DNHD1: variants seen among roughly 807,000 people sequenced by gnomAD.
DNHD1 encodes the protein dynein heavy chain domain-containing protein 1.
In DNHD1, 383 loss-of-function variants were observed where a neutral mutation model predicts 458.1. The ratio of observed to expected loss-of-function variants is 0.84; its 90% CI spans 0.77 to 0.91. The LOEUF (loss-of-function observed/expected upper bound fraction) is 0.91. Ranked by LOEUF, DNHD1 falls within the 40% of genes least tolerant of loss-of-function variation. DNHD1 has a pLI of 0.00. For synonymous variants in DNHD1, 2,203 were observed against 2,376.9 expected, an observed-to-expected ratio of 0.93 and a Z score of 2.13; for missense variants, 5,336 against 5,866.1, an observed-to-expected ratio of 0.91 and a Z score of 2.95.
At chr11:6,512,260 A>T (rs2555147) in intron 7 of DNHD1, among the ~76,000 whole-genome samples, 2 of 119,546 alleles carry the variant, frequency 1.7e-5, no homozygotes, top group South Asian at 2.7e-4. Context: ...TCGCTCTGTC[A>T]CCCAGGCTGG....
At position 6,566,003 on chromosome 11, in the gene DNHD1, T is replaced by TTGGCCCCCCCCCC; in HGVS notation, c.11053+12_11053+13insTGGCCCCCCCCCC. On this transcript the variant is annotated intron_variant, in intron 33 of 42. Coordinates refer to ENST00000254579, the MANE Select transcript of DNHD1 (RefSeq NM_144666.3). ...GGCAGCTGCTTGTGGTGAGAGCTGG[T>TTGGCCCCCCCCCC]CCCCACCCACCCTGGCCCCTTTTTG... 6.6e-7 allele frequency: 1 copy of TTGGCCCCCCCCCC among 1,509,096 alleles called. No individual in the cohort carries two copies. The highest frequency in any genetic ancestry group is 9.0e-7 in the Non-Finnish European group (1 of 1,110,816). The allele number at this position is 1,509,096 out of a possible 1,614,324, so 93.5% of individuals were successfully genotyped here. A position where few individuals can be genotyped will look rare whatever the true frequency, so the allele number is the denominator to read the frequency against.
chr11:6,538,807 C>A lies in DNHD1; in HGVS notation c.3322C>A (p.Arg1108Ser). 6.6e-7 allele frequency: 1 copy of A among 1,504,766 alleles called. No homozygotes were observed. The highest frequency in any genetic ancestry group is 8.9e-7 in the Non-Finnish European group (1 of 1,119,428). The allele number at this position is 1,504,766 out of a possible 1,614,324, so 93.2% of individuals were successfully genotyped here. A position where few individuals can be genotyped will look rare whatever the true frequency, so the allele number is the denominator to read the frequency against. Residue 1108 changes from arginine to serine, a missense_variant, in exon 16 of 43, where the codon CGT (arginine) becomes AGT (serine). Coordinates refer to ENST00000254579, the MANE Select transcript of DNHD1 (RefSeq NM_144666.3). Reference protein sequence around the residue: ...PQSLNCQCLLRALGLGSLQTI... With the variant: ...PQSLNCQCLLSALGLGSLQTI... The stretch of plus-strand genomic sequence containing the variant: ...GAGCCTCAACTGCCAGTGTCTCCTG[C>A]GTGGTATGTTTGGTTAATGTCAGAG...
intron 31 of DNHD1, 74 bp downstream of exon 31, chr11:6,564,198 A>G (rs1853645645): frequency 6.7e-7 from 1 of 1,489,508 alleles, no homozygotes; most frequent in Non-Finnish European, 9.0e-7. Context: ...CTGTGCCCTC[A>G]CTGCCTCCCT....
chr11:6,571,515 C>G lies in DNHD1; in HGVS notation c.13911+92C>G. On this transcript the variant is annotated intron_variant, in intron 42 of 42. Coordinates refer to ENST00000254579, the MANE Select transcript of DNHD1 (RefSeq NM_144666.3). This position sits in a 1 kb window ranked among gnomAD's most constrained non-coding sequence, Gnocchi z 5.0. ...TACCCCTTCTTGGTGATCTTGCCCC[C>G]GGTAACCCTGCTAGCTTCTCCGATC... The G allele has an allele frequency of 6.8e-7, 1 of 1,463,424 alleles. No individual in the cohort carries two copies. The highest frequency in any genetic ancestry group is 2.4e-5 in the Admixed American group (1 of 41,848). The allele number at this position is 1,463,424 out of a possible 1,614,324, so 90.7% of individuals were successfully genotyped here.
intron 10 of DNHD1, among the ~76,000 whole-genome samples, chr11:6,526,760 T>C (rs1852718659): frequency 6.6e-6 from 1 of 152,220 alleles, no homozygotes; most frequent in Non-Finnish European, 1.5e-5. Flanking sequence ...CCTGACTGTT[T>C]GGTTTCAAGA....
At position 6,567,679 on chromosome 11, in the gene DNHD1, C is replaced by T. The variant is rs1853739164; in HGVS notation, c.12170C>T (p.Ala4057Val). 1.2e-6 allele frequency: 2 copies of T among 1,613,904 alleles called. No individual in the cohort carries two copies. The highest frequency in any genetic ancestry group is 2.7e-5 in the African/African-American group (2 of 75,066). The change falls in exon 36 of 43, where the codon GCA (alanine) becomes GTA (valine). Residue 4057 changes from alanine (A) to valine (V), a missense_variant. Physicochemically the swap from Ala to Val is moderately conservative, Grantham distance 64 (BLOSUM62 0). Transcript: ENST00000254579. ...LRPECLAGAL[A>V]DFTTSLLGRP... ...CCTGAGTGCCTGGCAGGTGCCCTGG[C>T]AGACTTCACCACTAGCCTCCTGGGT... is the stretch of plus-strand genomic sequence containing the variant.
chr11:6,503,933 A>G (rs978155218), intron 4 of DNHD1: 7 of 152,184 alleles, frequency 4.6e-5, no homozygotes, highest in African/African-American at 1.7e-4. Flanking sequence ...GGTAGGTGCT[A>G]TTATTATTTC....
chr11:6,557,932 G>A lies in DNHD1; in HGVS notation c.8637G>A (p.Leu2879=), dbSNP rs573419840. 7 of 1,551,468 alleles carry A rather than the reference G, an allele frequency of 4.5e-6. No homozygotes were observed. The Admixed American group carries it at 1.2e-4, about 26-fold the overall frequency. The change falls in exon 25 of 43, where the codon CTG becomes CTA. Residue 2879 remains leucine (L), a synonymous_variant. Coordinates refer to ENST00000254579, the MANE Select transcript of DNHD1 (RefSeq NM_144666.3). ...AQHVARLVRV[L]ARPRQHGLLL... Reference sequence around the variant, plus strand: ...ACGTGGCCCGCCTGGTCCGGGTGCTGGCCAGGCCCCGGCAGCATGGCCTGC... The same window carrying A: ...ACGTGGCCCGCCTGGTCCGGGTGCTAGCCAGGCCCCGGCAGCATGGCCTGC...
intron 39 of DNHD1, 92 bp from the exon 40 acceptor site, chr11:6,569,917 C>A: frequency 9.2e-7 from 1 of 1,084,010 alleles, no homozygotes; most frequent in Non-Finnish European, 1.4e-6. Flanking sequence ...GAACCCGAAG[C>A]TCAGGAGAGA....
chr11:6,537,616 T>G (rs1852982900), intron 14 of DNHD1, among the ~76,000 whole-genome samples: 2 of 151,928 alleles, frequency 1.3e-5, no homozygotes, highest in South Asian at 4.1e-4. Flanking sequence ...TTTAACCAGA[T>G]AGCCTGCATA....
Position 6,567,811 on chromosome 11 carries a change from C to T in DNHD1, c.12302C>T (p.Thr4101Ile). 1 of 1,613,444 alleles carries T rather than the reference C, an allele frequency of 6.2e-7. No individual in the cohort carries two copies. Among genetic ancestry groups the T allele is most frequent in the Non-Finnish European group, 8.5e-7 (1 of 1,179,882 alleles). ...CCACCGCCTGGCCACCCCTCAGCCA[C>T]TCTGCATCCTCTGACTGTCATCCAG... The part of the protein sequence containing the change: ...LLPPPGHPSA[T>I]LHPLTVIQKL... The change falls in exon 36 of 43, where the codon ACT becomes ATT. Residue 4101 changes from threonine to isoleucine, a missense_variant. By Grantham distance (89) the Thr-to-Ile change is moderately conservative. Around this residue, in one of 4 missense-constraint regions of DNHD1, gnomAD observed 695 missense variants for 804.2 expected, o/e 0.86. Coordinates refer to ENST00000254579, the MANE Select transcript of DNHD1 (RefSeq NM_144666.3).
intron 24 of DNHD1, among the ~76,000 whole-genome samples, chr11:6,555,096 C>T (rs927939820): frequency 6.6e-6 from 1 of 152,220 alleles, no homozygotes; most frequent in Non-Finnish European, 1.5e-5. Context: ...CCTTTAAAAA[C>T]AGGCCATTCA....
rs893541520 is a variant in DNHD1, at chr11:6,556,746, A to G, written c.7451A>G (p.Tyr2484Cys). 91 of 1,551,560 alleles carry G rather than the reference A, an allele frequency of 5.9e-5. No individual in the cohort carries two copies. Among genetic ancestry groups the G allele is most frequent in the Non-Finnish European group, 7.8e-5 (90 of 1,146,896 alleles). ...TLRQAMDGTVYAHSTLELQTL... is the reference protein window; with the variant it reads ...TLRQAMDGTVCAHSTLELQTL... ...CGCCAGGCCATGGATGGCACTGTGT[A>G]TGCCCACAGCACCTTGGAACTGCAG... The change falls in exon 25 of 43, where the codon TAT becomes TGT. Residue 2484 changes from tyrosine (Y) to cysteine (C), a missense_variant. This residue lies in a region of DNHD1 where 3,932 missense variants were observed against 4,365.6 expected (regional missense o/e 0.90). Transcript: ENST00000254579.
chr11:6,533,406 T>C (rs1489437981), intron 13 of DNHD1, among the ~76,000 whole-genome samples: 1 of 152,232 alleles, frequency 6.6e-6, no homozygotes, highest in Non-Finnish European at 1.5e-5. Flanking sequence ...AGTTGTGCTC[T>C]CTGTGACAGT....
chr11:6,498,999 G>A, intron 3 of DNHD1, 38 bp downstream of exon 3: 1 of 1,528,014 alleles, frequency 6.5e-7, no homozygotes, highest in Non-Finnish European at 8.8e-7. Flanking sequence ...GAGCAGAGGA[G>A]AAAAAGTTGC....
rs754116884 is a variant in DNHD1, at chr11:6,570,841, A to G, written c.13329A>G (p.Leu4443=). 1 of 1,613,938 alleles carries G rather than the reference A, an allele frequency of 6.2e-7. No individual in the cohort carries two copies. The highest frequency in any genetic ancestry group is 8.5e-7 in the Non-Finnish European group (1 of 1,179,904). ...QLAERRLRQR[L]VQVNRRLESL... is the part of the protein sequence containing the mutation. ...CGGAAAGGCGACTGCGGCAACGCCT[A>G]GTGCAAGTCAACCGGAGGCTGGAGT... is the stretch of plus-strand genomic sequence containing the variant. The change falls in exon 42 of 43, where the codon CTA becomes CTG. Residue 4443 remains leucine, a synonymous_variant. Transcript: ENST00000254579.
Position 6,520,054 on chromosome 11 carries a change from C to G in DNHD1, c.1737C>G (p.Ile579Met). The part of the protein sequence containing the change: ...LSHVPCVENM[I>M]QTLTGGLQSV... ...ATGTGCCCTGTGTTGAAAATATGATCCAGACTCTAACTGGAGGCCTACAGT... is the reference window on the plus strand; with the variant it reads ...ATGTGCCCTGTGTTGAAAATATGATGCAGACTCTAACTGGAGGCCTACAGT... The change falls in exon 9 of 43, where the codon ATC becomes ATG. Residue 579 changes from isoleucine to methionine, a missense_variant. By Grantham distance (10) the Ile-to-Met change is conservative. This residue lies in a region of DNHD1 where 3,932 missense variants were observed against 4,365.6 expected (regional missense o/e 0.90). Transcript: ENST00000254579. 4 of 1,614,146 alleles carry G rather than the reference C, an allele frequency of 2.5e-6. No individual in the cohort carries two copies. Among genetic ancestry groups the G allele is most frequent in the Non-Finnish European group, 2.5e-6 (3 of 1,180,024 alleles).
Position 6,547,035 on chromosome 11 carries a change from C to T in DNHD1, c.6096C>T (p.Tyr2032=), listed in dbSNP as rs1368245207. 1 of 1,551,678 alleles carries T rather than the reference C, an allele frequency of 6.4e-7. No individual in the cohort carries two copies. The highest frequency in any genetic ancestry group is 1.2e-5 in the South Asian group (1 of 84,058). ...AGCCTGTGGAAATTACCCACCTGTA[C>T]CCCAGTGGCCTCAGCCCCCAGGAGT... ...GCQPVEITHL[Y]PSGLSPQEFL... is the part of the protein sequence containing the mutation. Residue 2032 remains tyrosine (Y), a synonymous_variant, in exon 21 of 43, where the codon TAC becomes TAT. Transcript: ENST00000254579.
In DNHD1 at chr11:6,539,268, G is replaced by C. The variant is rs1853037702; in HGVS notation, c.3375G>C (p.Gln1125His). Residue 1125 changes from glutamine (Q) to histidine (H), a missense_variant, in exon 17 of 43, where the codon CAG becomes CAC. By Grantham distance (24) the Gln-to-His change is conservative. Around this residue, in one of 4 missense-constraint regions of DNHD1, gnomAD observed 3,932 missense variants for 4,365.6 expected, o/e 0.90. Transcript: ENST00000254579. ...LQTIELLTLG[Q>H]LLTYPLLEFA... is the part of the protein sequence containing the mutation. ...CTATAGAACTCCTAACGCTGGGCCA[G>C]CTGCTTACTTATCCACTGCTGGAGT... 1.3e-6 allele frequency: 2 copies of C among 1,551,550 alleles called. No homozygotes were observed. Among genetic ancestry groups the C allele is most frequent in the Non-Finnish European group, 1.7e-6 (2 of 1,147,006 alleles).
Sources: gnomAD v4.1 joint callset for allele counts (sites outside exome capture counted in the v4.1 genomes callset) on GRCh38, gnomAD v4.1.1 for gene constraint, gnomAD v4.1.1 regional missense constraint, Gnocchi (gnomAD v3.1) non-coding constraint, MANE v1.5 for transcripts, NCBI Gene and HGNC (gene_info 2026-07-23, HGNC 2026-07-21) for gene names.